Variants in ATP2B4 observed in about 807,000 individuals in gnomAD.
The protein encoded by ATP2B4 is ATPase plasma membrane Ca2+ transporting 4.
Under a neutral mutation model 110.3 loss-of-function variants are expected in ATP2B4, and 39 were observed. The observed-to-expected ratio is 0.35, with a 90% CI of 0.27 to 0.46. The LOEUF is 0.46. Among genes scored for constraint, ATP2B4 ranks in the 20% least tolerant of loss-of-function variants. The probability of loss-of-function intolerance (pLI) is 1.00; values close to 1 mark genes in which losing one functional copy is unlikely to be tolerated. For synonymous variants in ATP2B4, 538 were observed against 571.7 expected (o/e 0.94, Z 0.84); for missense variants, 1,135 against 1,530.9 (o/e 0.74, Z 4.32).
chr1:203,647,429 T>G (rs1320920772), intron 1 of ATP2B4, among the ~76,000 whole-genome samples: 1 of 47,626 alleles, frequency 2.1e-5, no homozygotes, highest in Non-Finnish European at 5.1e-5. Context: ...GAGCAAGAAC[T>G]TCTCTCTAAA....
chr1:203,687,783 C>T (rs1202563028), intron 2 of ATP2B4, among the ~76,000 whole-genome samples: 1 of 152,008 alleles, frequency 6.6e-6, no homozygotes, highest in Non-Finnish European at 1.5e-5. Flanking sequence ...TTAATTATCT[C>T]TTTTGGCTGG....
rs528560785 is a variant in ATP2B4 at position 203,716,663 on chromosome 1, T to C, written c.2406+2386T>C. Among the ~76,000 whole-genome samples, 8 of 144,998 alleles carry C rather than the reference T, an allele frequency of 5.5e-5. 2 individuals are homozygous for C. The highest frequency in any genetic ancestry group is 1.1e-4 in the Non-Finnish European group (7 of 65,022). ...CTCTCTTTTGCACAATCCCCCTCCA[T>C]CTTTTTTCCTAGCAACTTAGTTTTG... On this transcript the variant is annotated intron_variant, in intron 15 of 20. Coordinates refer to ENST00000357681, the MANE Select transcript of ATP2B4 (RefSeq NM_001684.5).
chr1:203,635,077 C>T (rs919189547), intron 1 of ATP2B4, among the ~76,000 whole-genome samples: 4 of 152,178 alleles, frequency 2.6e-5, no homozygotes, highest in East Asian at 1.9e-4. Context: ...TGATTTCAAA[C>T]GATTCTCCTG....
intron 1 of ATP2B4, among the ~76,000 whole-genome samples, chr1:203,671,148 G>A (rs1483172449): frequency 6.6e-6 from 1 of 152,212 alleles, no homozygotes; most frequent in Non-Finnish European, 1.5e-5. Context: ...CCAACTAGCT[G>A]TTTCTGAAAG....
At position 203,739,567 on chromosome 1, in the gene ATP2B4, C is replaced by T; in HGVS notation, c.3331C>T (p.His1111Tyr). Residue 1111 changes from histidine (H) to tyrosine (Y), a missense_variant, in exon 21 of 21, where the codon CAT becomes TAT. By Grantham distance (83) the His-to-Tyr change is moderately conservative. Transcript: ENST00000357681. Reference protein sequence around the residue: ...QTQIKVVKAFHSSLHESIQKP... With the variant: ...QTQIKVVKAFYSSLHESIQKP... ...ATAGATCAAAGTGGTCAAAGCGTTCCATAGTTCCCTCCACGAAAGCATTCA... is the reference window on the plus strand; with the variant it reads ...ATAGATCAAAGTGGTCAAAGCGTTCTATAGTTCCCTCCACGAAAGCATTCA... The T allele has an allele frequency of 1.2e-6, 2 of 1,613,920 alleles. No homozygotes were observed. The highest frequency in any genetic ancestry group is 8.5e-7 in the Non-Finnish European group (1 of 1,179,944).
intron 13 of ATP2B4, among the ~76,000 whole-genome samples, chr1:203,712,615 G>A (rs1236429429): frequency 6.6e-6 from 1 of 151,234 alleles, no homozygotes; most frequent in Non-Finnish European, 1.5e-5. Flanking sequence ...AAAGAGGGGG[G>A]GAGTTGCTTG....
At chr1:203,718,571 A>G (rs1666226827) in intron 15 of ATP2B4, among the ~76,000 whole-genome samples, 1 of 152,158 alleles carries the variant, frequency 6.6e-6, no homozygotes, top group South Asian at 2.1e-4. Flanking sequence ...AAATGCTGGG[A>G]TTACAGGCAT....
At chr1:203,655,299 A>G (rs959996670) in intron 1 of ATP2B4, among the ~76,000 whole-genome samples, 1 of 152,194 alleles carries the variant, frequency 6.6e-6, no homozygotes, top group African/African-American at 2.4e-5. Context: ...CAATTTTGAA[A>G]GAAGTTCTAC....
In ATP2B4 at chr1:203,709,337, G is replaced by A; in HGVS notation, c.1594G>A (p.Gly532Ser). ...EKEGGLPRQV[G>S]NKTECALLGF... ...GGAGGGAGGCCTGCCTCGGCAGGTG[G>A]GCAACAAGACCGAGTGTGCTCTGCT... Residue 532 changes from glycine (G) to serine (S), a missense_variant, in exon 11 of 21, where the codon GGC becomes AGC. By Grantham distance (56) the Gly-to-Ser change is moderately conservative. Transcript: ENST00000357681. The A allele has an allele frequency of 6.2e-7, 1 of 1,614,170 alleles. No homozygotes were observed. Among genetic ancestry groups the A allele is most frequent in the African/African-American group, 1.3e-5 (1 of 75,034 alleles).
rs948789711 is a variant in ATP2B4 at position 203,742,469 on chromosome 1, A to G, written c.*2615A>G. On this transcript the variant is annotated 3_prime_UTR_variant, in exon 21 of 21. Coordinates refer to ENST00000357681, the MANE Select transcript of ATP2B4 (RefSeq NM_001684.5). ...CAGTGGGTAAATATGGCATAAGTTA[A>G]TAACACTTTTCCCCAAAATGGTGCT... The G allele has an allele frequency of 3.3e-5, 5 of 152,662 alleles. No individual in the cohort carries two copies. Among genetic ancestry groups the G allele is most frequent in the African/African-American group, 1.2e-4 (5 of 41,462 alleles). The allele number at this position is 152,662 out of a possible 1,614,324, so 9.5% of individuals were successfully genotyped here. A position where few individuals can be genotyped will look rare whatever the true frequency, so the allele number is the denominator to read the frequency against.
At chr1:203,669,666 A>G (rs887958321) in intron 1 of ATP2B4, among the ~76,000 whole-genome samples, 4 of 151,960 alleles carry the variant, frequency 2.6e-5, no homozygotes, top group Admixed American at 6.6e-5. Context: ...CGAACTCCCG[A>G]CCTCAGGTGA....
chr1:203,724,185 T>C lies in ATP2B4; in HGVS notation c.3132+197T>C, dbSNP rs113206347. Among the ~76,000 whole-genome samples, 403 of 152,078 alleles carry C rather than the reference T, an allele frequency of 2.6e-3. 1 individual carries two copies. Among genetic ancestry groups the C allele is most frequent in the African/African-American group, 9.2e-3 (382 of 41,484 alleles). ...CAAGGTGGAATGATCACTTCAGAGGTTTCAGAATTCTTCTCTAACTAAGCC... is the reference window on the plus strand; with the variant it reads ...CAAGGTGGAATGATCACTTCAGAGGCTTCAGAATTCTTCTCTAACTAAGCC... On this transcript the variant is annotated intron_variant, in intron 19 of 20. Transcript: ENST00000357681.
At chr1:203,642,172 C>T (rs2102306729) in intron 1 of ATP2B4, among the ~76,000 whole-genome samples, 1 of 152,292 alleles carries the variant, frequency 6.6e-6, no homozygotes, top group East Asian at 1.9e-4. Context: ...GCCTCCAACT[C>T]CTGGGCTCAA....
intron 1 of ATP2B4, among the ~76,000 whole-genome samples, chr1:203,632,212 A>G (rs1221222514): frequency 6.6e-6 from 1 of 151,134 alleles, no homozygotes; most frequent in Non-Finnish European, 1.5e-5. Flanking sequence ...GCCAAAAAGA[A>G]AAAAAAAAGA....
intron 1 of ATP2B4, among the ~76,000 whole-genome samples, chr1:203,627,556 C>T (rs1037485373): frequency 8.6e-5 from 13 of 152,004 alleles, no homozygotes; most frequent in Non-Finnish European, 1.9e-4. Context: ...TCCCTCAACC[C>T]ATTCCGTTCC....
intron 18 of ATP2B4, among the ~76,000 whole-genome samples, chr1:203,723,166 C>G (rs1346469386): frequency 6.6e-6 from 1 of 151,900 alleles, no homozygotes; most frequent in Non-Finnish European, 1.5e-5. Context: ...CATAGTCAGC[C>G]CAGCTTGGAC....
At chr1:203,632,483 A>G (rs1345001815) in intron 1 of ATP2B4, among the ~76,000 whole-genome samples, 1 of 151,716 alleles carries the variant, frequency 6.6e-6, no homozygotes, top group African/African-American at 2.4e-5. Context: ...AGCTGGGACT[A>G]CAGGCGCCTG....
At chr1:203,628,477 G>A (rs1003529802) in intron 1 of ATP2B4, among the ~76,000 whole-genome samples, 1 of 152,196 alleles carries the variant, frequency 6.6e-6, no homozygotes, top group African/African-American at 2.4e-5. Context: ...GGCCGGGCAG[G>A]GGGAATGTCA....
intron 2 of ATP2B4, among the ~76,000 whole-genome samples, chr1:203,686,694 T>TC (rs1665198317): frequency 7.6e-6 from 1 of 131,556 alleles, no homozygotes; most frequent in Non-Finnish European, 1.6e-5. Context: ...TCTTTTTTTT[T>TC]TTTTTTTTTT....
Sources: allele counts gnomAD v4.1 joint callset (sites outside exome capture counted in the v4.1 genomes callset), GRCh38; gene constraint gnomAD v4.1.1; transcripts MANE v1.5; gene names NCBI Gene and HGNC (gene_info 2026-07-23, HGNC 2026-07-21).